Variants in SLC41A2 observed in about 807,000 individuals in gnomAD.
The protein encoded by SLC41A2 is SLC41A1-like 1.
SLC41A2 carries 32 observed loss-of-function variants against 58.3 expected under a neutral mutation model. The observed-to-expected ratio is 0.55, with a 90% CI of 0.41 to 0.74. The LOEUF (loss-of-function observed/expected upper bound fraction) is 0.74, where lower values mean the gene tolerates loss of function less well. Among genes scored for constraint, SLC41A2 ranks in the 30% least tolerant of loss-of-function variants. The pLI is 0.00. For synonymous variants in SLC41A2, 190 were observed against 235.0 expected (o/e 0.81, Z 1.75); for missense variants, 514 against 680.6 (o/e 0.76, Z 2.72).
At chr12:104,946,861 G>A (rs2047736781) in intron 1 of SLC41A2, among the ~76,000 whole-genome samples, 1 of 152,170 alleles carries the variant, frequency 6.6e-6, no homozygotes, top group Admixed American at 6.5e-5. Flanking sequence ...GAGCAGTTAA[G>A]AGCTAGGGCT....
intron 3 of SLC41A2, among the ~76,000 whole-genome samples, chr12:104,901,339 C>T (rs923464357): frequency 6.6e-6 from 1 of 151,892 alleles, no homozygotes; most frequent in Admixed American, 6.5e-5. Flanking sequence ...ATTCATTTTC[C>T]AATTATACAC....
chr12:104,821,210 TAGAG>T (rs1278745093), intron 10 of SLC41A2, among the ~76,000 whole-genome samples: 3 of 152,094 alleles, frequency 2.0e-5, no homozygotes, highest in Non-Finnish European at 2.9e-5. Context: ...ATTACATATA[TAGAG>T]AGAGAGTTGG....
At chr12:104,837,626 A>G (rs1372687473) in intron 10 of SLC41A2, among the ~76,000 whole-genome samples, 1 of 152,156 alleles carries the variant, frequency 6.6e-6, no homozygotes, top group African/African-American at 2.4e-5. Context: ...ATCAGAGAAT[A>G]AATAAGAAGA....
At chr12:104,847,360 T>C (rs916434320) in intron 8 of SLC41A2, among the ~76,000 whole-genome samples, 20 of 151,792 alleles carry the variant, frequency 1.3e-4, no homozygotes, top group African/African-American at 2.4e-4. Context: ...TCCCAGCACT[T>C]TGGGGGGCCG....
At chr12:104,936,230 G>T (rs2047264033) in intron 1 of SLC41A2, among the ~76,000 whole-genome samples, 1 of 152,018 alleles carries the variant, frequency 6.6e-6, no homozygotes, top group Non-Finnish European at 1.5e-5. Flanking sequence ...AATAAATAAT[G>T]ATTTTGTTAC....
chr12:104,844,878 T>C (rs2042547269), intron 9 of SLC41A2, among the ~76,000 whole-genome samples: 1 of 152,180 alleles, frequency 6.6e-6, no homozygotes, highest in South Asian at 2.1e-4. Flanking sequence ...ATATCTATCA[T>C]AAAAACAGAG....
chr12:104,864,638 A>G (rs980278907), intron 7 of SLC41A2, among the ~76,000 whole-genome samples: 2 of 151,868 alleles, frequency 1.3e-5, no homozygotes, highest in Non-Finnish European at 2.9e-5. Context: ...TCTCCTTATC[A>G]TTCACCTCCT....
chr12:104,904,393 C>T (rs1054643920), intron 3 of SLC41A2, among the ~76,000 whole-genome samples: 1 of 152,208 alleles, frequency 6.6e-6, no homozygotes, highest in Non-Finnish European at 1.5e-5. Context: ...TCTTCATTCT[C>T]TTCTCCCGCC....
At position 104,826,123 on chromosome 12, in the gene SLC41A2, T is replaced by C. The variant is rs181203639; in HGVS notation, c.1536+18349A>G. Among the ~76,000 whole-genome samples, 32 of 152,288 alleles carry C rather than the reference T, an allele frequency of 2.1e-4. No individual in the cohort carries two copies. The East Asian group carries it at 5.8e-3, about 28-fold the overall frequency. On this transcript the variant is annotated intron_variant, in intron 10 of 10. Coordinates refer to ENST00000258538, the MANE Select transcript of SLC41A2 (RefSeq NM_001352171.3). ...AGCCTCTATTCCCTGTCTTTCAGAATGGGCAAACAGTTCTCTTCACCACCG... is the reference window on the plus strand; with the variant it reads ...AGCCTCTATTCCCTGTCTTTCAGAACGGGCAAACAGTTCTCTTCACCACCG...
chr12:104,810,813 A>G (rs993468139), intron 10 of SLC41A2, among the ~76,000 whole-genome samples: 2 of 152,204 alleles, frequency 1.3e-5, no homozygotes, highest in African/African-American at 4.8e-5. Flanking sequence ...GGCAAAGTCC[A>G]AGAAACCTGC....
chr12:104,825,639 A>C (rs2041814621), intron 10 of SLC41A2, among the ~76,000 whole-genome samples: 1 of 152,218 alleles, frequency 6.6e-6, no homozygotes, highest in Non-Finnish European at 1.5e-5. Context: ...CAAATTCAGC[A>C]GGGCTCATTT....
At chr12:104,889,696 C>T (rs754353696) in intron 4 of SLC41A2, among the ~76,000 whole-genome samples, 10 of 152,076 alleles carry the variant, frequency 6.6e-5, no homozygotes, top group Non-Finnish European at 1.2e-4. Flanking sequence ...CAGTGGTCAA[C>T]GTAGATTATT....
At chr12:104,940,960 G>C (rs2047490952) in intron 1 of SLC41A2, among the ~76,000 whole-genome samples, 1 of 142,888 alleles carries the variant, frequency 7.0e-6, no homozygotes, top group Non-Finnish European at 1.5e-5. Flanking sequence ...AAAAAAGTTA[G>C]CTCCGAAGAA....
chr12:104,940,779 T>C (rs1306815626), intron 1 of SLC41A2, among the ~76,000 whole-genome samples: 1 of 151,168 alleles, frequency 6.6e-6, no homozygotes, highest in Non-Finnish European at 1.5e-5. Flanking sequence ...ATTAGCTGGG[T>C]GTGGTGGCAG....
chr12:104,807,840 G>A (rs2040982191), intron 10 of SLC41A2, among the ~76,000 whole-genome samples: 2 of 152,248 alleles, frequency 1.3e-5, no homozygotes, highest in Admixed American at 1.3e-4. Flanking sequence ...GTGAATGGGA[G>A]TTCACTCATG....
chr12:104,815,942 T>C (rs1312313525), intron 10 of SLC41A2, among the ~76,000 whole-genome samples: 4 of 152,198 alleles, frequency 2.6e-5, no homozygotes, highest in African/African-American at 9.7e-5. Flanking sequence ...ATGGTGTCGC[T>C]GAAAAGAAAA....
chr12:104,928,634 A>G lies in SLC41A2; in HGVS notation c.-107T>C. On this transcript the variant is annotated 5_prime_UTR_variant, in exon 2 of 11. It removes an upstream start codon present in the reference 5' UTR. Transcript: ENST00000258538. ...TGGTTTAAATTAAGTTGTTGACTTC[A>G]TTGTGTAGAAAATATTTCCACTAAT... is the stretch of plus-strand genomic sequence containing the variant. 3.6e-6 allele frequency: 2 copies of G among 559,536 alleles called. No homozygotes were observed. Among genetic ancestry groups the G allele is most frequent in the Non-Finnish European group, 2.8e-6 (1 of 353,666 alleles). 34.7% of individuals were successfully genotyped at this position (559,536 alleles called of 1,614,324 possible). A position where few individuals can be genotyped will look rare whatever the true frequency, so the allele number is the denominator to read the frequency against.
chr12:104,933,784 C>CT (rs2047158726), intron 1 of SLC41A2, among the ~76,000 whole-genome samples: 1 of 151,572 alleles, frequency 6.6e-6, no homozygotes, highest in South Asian at 2.1e-4. Flanking sequence ...GGATGGAGAG[C>CT]TAGAGGCCAT....
intron 10 of SLC41A2, among the ~76,000 whole-genome samples, chr12:104,840,316 G>C (rs894640526): frequency 3.9e-5 from 6 of 152,208 alleles, no homozygotes; most frequent in Non-Finnish European, 8.8e-5. Context: ...ACATGTCTAA[G>C]TTTGTGGAGG....
Sources: gnomAD v4.1 joint callset for allele counts (sites outside exome capture counted in the v4.1 genomes callset) on GRCh38, gnomAD v4.1.1 for gene constraint, MANE v1.5 for transcripts, NCBI Gene and HGNC (gene_info 2026-07-23, HGNC 2026-07-21) for gene names.